TUSC3: variants seen among roughly 807,000 people sequenced by gnomAD.
The protein encoded by TUSC3 is dolichyl-diphosphooligosaccharide--protein glycosyltransferase subunit TUSC3.
Under a neutral mutation model 44.8 loss-of-function variants are expected in TUSC3, and 45 were observed. The ratio of observed to expected loss-of-function variants is 1.00; its 90% CI spans 0.79 to 1.29. TUSC3 has a LOEUF of 1.29. Ranked by LOEUF, TUSC3 falls within the 50% of genes most tolerant of loss-of-function variation. The probability of loss-of-function intolerance (pLI) is 0.00; values close to 1 mark genes in which losing one functional copy is unlikely to be tolerated. For synonymous variants in TUSC3, 212 were observed against 152.9 expected (o/e 1.39, Z -2.85); for missense variants, 519 against 437.9 (o/e 1.19, Z -1.65).
chr8:15,491,305 C>T (rs1015743424), intron 2 of TUSC3, among the ~76,000 whole-genome samples: 1 of 152,008 alleles, frequency 6.6e-6, no homozygotes, highest in Non-Finnish European at 1.5e-5. Context: ...ATCTTGGGGC[C>T]CACAAGGAAT....
chr8:15,745,894 C>T (rs776297704), intron 8 of TUSC3, among the ~76,000 whole-genome samples: 4 of 152,088 alleles, frequency 2.6e-5, no homozygotes, highest in Admixed American at 6.6e-5. Flanking sequence ...AGGTTTTCTT[C>T]TAGGATTTTT....
At chr8:15,813,980 G>C in the TUSC3 span, among the ~76,000 whole-genome samples, 2 of 152,264 alleles carry the variant, frequency 1.3e-5, no homozygotes, top group East Asian at 1.9e-4. Context: ...CAAAATGATA[G>C]CATCTACCTC....
the TUSC3 span, among the ~76,000 whole-genome samples, chr8:15,844,239 T>A: frequency 2.0e-5 from 3 of 152,148 alleles, no homozygotes; most frequent in Non-Finnish European, 4.4e-5. Flanking sequence ...CTTCAGTTAA[T>A]GGAGTATGCA....
At chr8:15,596,576 T>C (rs1172051050) in intron 1 of TUSC3, among the ~76,000 whole-genome samples, 3 of 152,306 alleles carry the variant, frequency 2.0e-5, no homozygotes, top group South Asian at 2.1e-4. Flanking sequence ...AATTTTCAGA[T>C]ACTGTGGGGC....
intron 1 of TUSC3, among the ~76,000 whole-genome samples, chr8:15,427,218 G>T (rs532176722): frequency 3.2e-4 from 31 of 95,588 alleles, no homozygotes; most frequent in African/African-American, 1.1e-3. Flanking sequence ...TAACGGTGCA[G>T]AAGGTTTTTC....
At chr8:15,700,304 G>C (rs1402036864) in intron 6 of TUSC3, among the ~76,000 whole-genome samples, 1 of 152,070 alleles carries the variant, frequency 6.6e-6, no homozygotes, top group East Asian at 1.9e-4. Context: ...AGCTCTGGGG[G>C]TGTAACAGTA....
At chr8:15,764,094 G>C (rs926577938) in intron 10 of TUSC3, 109 bp from the exon 11 acceptor site, 2 of 1,118,736 alleles carry the variant, frequency 1.8e-6, no homozygotes, top group African/African-American at 3.2e-5. Flanking sequence ...ATACAATTAT[G>C]ACATTTTAAT....
the TUSC3 span, chr8:15,806,365 A>T: frequency 1.4e-6 from 1 of 734,426 alleles, no homozygotes; most frequent in Non-Finnish European, 2.6e-6. Flanking sequence ...CATTCCAGGT[A>T]CTTGCCCAAC....
chr8:15,729,226 T>A (rs1458847566), intron 6 of TUSC3, among the ~76,000 whole-genome samples: 1 of 152,204 alleles, frequency 6.6e-6, no homozygotes, highest in Non-Finnish European at 1.5e-5. Context: ...ATATTGATGT[T>A]AATTACTTTA....
intron 1 of TUSC3, among the ~76,000 whole-genome samples, chr8:15,603,037 A>G (rs541491558): frequency 6.6e-6 from 1 of 151,754 alleles, no homozygotes; most frequent in South Asian, 2.1e-4. Flanking sequence ...CCACAGTAAA[A>G]AAAGAAAAGT....
chr8:15,458,106 T>TGAAG (rs1800285929), intron 1 of TUSC3, among the ~76,000 whole-genome samples: 1 of 151,858 alleles, frequency 6.6e-6, no homozygotes, highest in Non-Finnish European at 1.5e-5. Context: ...AATGAGGAAA[T>TGAAG]GAAGGAATTT....
chr8:15,462,718 T>C (rs1176978199), intron 1 of TUSC3, among the ~76,000 whole-genome samples: 2 of 152,132 alleles, frequency 1.3e-5, no homozygotes, highest in African/African-American at 4.8e-5. Context: ...GTGGTACTGA[T>C]ATCTGTTTTC....
At chr8:15,426,733 T>G (rs1799808788) in intron 1 of TUSC3, among the ~76,000 whole-genome samples, 1 of 152,222 alleles carries the variant, frequency 6.6e-6, no homozygotes, top group Non-Finnish European at 1.5e-5. Flanking sequence ...TTTAATTCTT[T>G]TGGACATATA....
chr8:15,482,340 A>T (rs1800673968), intron 1 of TUSC3, among the ~76,000 whole-genome samples: 2 of 152,188 alleles, frequency 1.3e-5, no homozygotes, highest in Non-Finnish European at 2.9e-5. Context: ...ATTTCCTTTC[A>T]TGAATCACAA....
rs576114627 is a variant in TUSC3, at chr8:15,429,285, T to C, written n.91+11980T>C. 8.5e-5 allele frequency among the ~76,000 whole-genome samples: 13 copies of C among 152,264 alleles called. No individual in the cohort carries two copies. The East Asian group carries it at 2.1e-3, about 25-fold the overall frequency. ...GTCAAAGATCAGATAGTTGCAGATA[T>C]GCAGCATTATTTCTGAGGGCTCTGT... is the stretch of plus-strand genomic sequence containing the variant. On this transcript the variant is annotated intron_variant and non_coding_transcript_variant, in intron 1 of 5. Transcript: ENST00000503191.
chr8:15,474,510 A>T (rs915480981), intron 1 of TUSC3, among the ~76,000 whole-genome samples: 1 of 152,188 alleles, frequency 6.6e-6, no homozygotes, highest in Admixed American at 6.5e-5. Flanking sequence ...ACTTCCTGCA[A>T]CAATAAAGTA....
intron 8 of TUSC3, among the ~76,000 whole-genome samples, chr8:15,743,981 C>G (rs1298988908): frequency 6.6e-5 from 10 of 152,162 alleles, no homozygotes; most frequent in Admixed American, 6.6e-5. Flanking sequence ...CATATTCCCT[C>G]TGCTACAAGA....
intron 7 of TUSC3, 151 bp downstream of exon 7, chr8:15,730,880 A>G (rs989478669): frequency 1.3e-5 from 9 of 692,882 alleles, no homozygotes; most frequent in South Asian, 1.9e-5. Flanking sequence ...TTTTATGCTA[A>G]TTATTTCCTA....
At chr8:15,781,028 T>G in the TUSC3 span, among the ~76,000 whole-genome samples, 1 of 152,126 alleles carries the variant, frequency 6.6e-6, no homozygotes, top group African/African-American at 2.4e-5. Context: ...CTAACTTGTA[T>G]CAGGTAGTTA....
Sources: allele counts gnomAD v4.1 joint callset (sites outside exome capture counted in the v4.1 genomes callset), GRCh38; gene constraint gnomAD v4.1.1; transcripts MANE v1.5; gene names NCBI Gene and HGNC (gene_info 2026-07-23, HGNC 2026-07-21).